Variants in CHST9 observed in about 807,000 individuals in gnomAD.
CHST9 encodes the protein carbohydrate sulfotransferase 9.
Under a neutral mutation model 44.4 loss-of-function variants are expected in CHST9, and 41 were observed. The observed-to-expected ratio is 0.92, with a 90% CI of 0.72 to 1.20. The LOEUF (loss-of-function observed/expected upper bound fraction) is 1.20, where lower values mean the gene tolerates loss of function less well. CHST9 is among the 50% of genes most tolerant of loss of function. The pLI is 0.00. For synonymous variants in CHST9, 171 were observed against 178.4 expected (o/e 0.96, Z 0.33); for missense variants, 504 against 516.5 (o/e 0.98, Z 0.23).
At position 26,913,015 on chromosome 18, in the gene CHST9, A is replaced by G. The variant is rs1190830917; in HGVS notation, c.*3244T>C. The G allele has an allele frequency of 6.6e-6, 1 of 152,180 alleles. No homozygotes were observed. The highest frequency in any genetic ancestry group is 1.9e-4 in the East Asian group (1 of 5,194). 9.4% of individuals were successfully genotyped at this position (152,180 alleles called of 1,614,324 possible). ...AGGCTGGGATGCCCTGAGAGGCCAC[A>G]TGAGAATGCACAGGAGGGAGACGTT... On this transcript the variant is annotated 3_prime_UTR_variant, in exon 6 of 6. Transcript: ENST00000618847.
chr18:27,101,685 T>A (rs558605547), intron 2 of CHST9, among the ~76,000 whole-genome samples: 1 of 152,132 alleles, frequency 6.6e-6, no homozygotes, highest in African/African-American at 2.4e-5. Context: ...ATAAATGACA[T>A]CTCTGCTCTC....
intron 2 of CHST9, among the ~76,000 whole-genome samples, chr18:27,050,151 A>G (rs1167998634): frequency 6.6e-6 from 1 of 152,172 alleles, no homozygotes. Flanking sequence ...TAAGTGTGTG[A>G]TGAGAAAGTG....
chr18:27,112,876 A>T (rs2058285098), intron 2 of CHST9, among the ~76,000 whole-genome samples: 1 of 152,034 alleles, frequency 6.6e-6, no homozygotes, highest in African/African-American at 2.4e-5. Context: ...CTTTCTGGCA[A>T]TTTGCTGCCT....
At chr18:26,932,477 C>T (rs1256828544) in intron 5 of CHST9, among the ~76,000 whole-genome samples, 1 of 152,010 alleles carries the variant, frequency 6.6e-6, no homozygotes, top group East Asian at 1.9e-4. Context: ...AATCTTGGCA[C>T]TTCCACAGCT....
At chr18:26,931,207 C>A (rs370586546) in intron 5 of CHST9, among the ~76,000 whole-genome samples, 1 of 152,196 alleles carries the variant, frequency 6.6e-6, no homozygotes, top group African/African-American at 2.4e-5. Context: ...ATCATTACCC[C>A]CTTCCCTCAC....
At chr18:27,083,716 A>G (rs2057982043) in intron 2 of CHST9, among the ~76,000 whole-genome samples, 1 of 152,120 alleles carries the variant, frequency 6.6e-6, no homozygotes, top group Admixed American at 6.5e-5. Flanking sequence ...AGATGCCTAG[A>G]ACTCTTGGAA....
intron 4 of CHST9, among the ~76,000 whole-genome samples, chr18:26,965,775 T>C (rs2056457190): frequency 6.6e-6 from 1 of 152,180 alleles, no homozygotes; most frequent in Non-Finnish European, 1.5e-5. Flanking sequence ...GATCTTATAC[T>C]AGTAGCATCA....
intron 5 of CHST9, among the ~76,000 whole-genome samples, chr18:26,922,472 A>G (rs1157040228): frequency 6.6e-6 from 1 of 152,200 alleles, no homozygotes; most frequent in Non-Finnish European, 1.5e-5. Flanking sequence ...GGAAAGCTAT[A>G]GTTTTCCATA....
chr18:27,004,157 G>A (rs930046324), intron 4 of CHST9, among the ~76,000 whole-genome samples: 4 of 152,002 alleles, frequency 2.6e-5, no homozygotes, highest in Non-Finnish European at 5.9e-5. Context: ...GGCATAATGG[G>A]AGGAAGAACA....
intron 4 of CHST9, among the ~76,000 whole-genome samples, chr18:27,022,603 C>T (rs1185846019): frequency 3.3e-5 from 5 of 152,140 alleles, no homozygotes; most frequent in Non-Finnish European, 5.9e-5. Flanking sequence ...TCTAAGTCTA[C>T]GTTGTTTTAC....
At chr18:26,975,749 AT>A (rs2056615762) in intron 4 of CHST9, among the ~76,000 whole-genome samples, 1 of 140,050 alleles carries the variant, frequency 7.1e-6, no homozygotes, top group African/African-American at 2.6e-5. Flanking sequence ...ATATATATAT[AT>A]ATATATATAT....
chr18:26,998,049 G>C (rs1052507972), intron 4 of CHST9, among the ~76,000 whole-genome samples: 2 of 152,204 alleles, frequency 1.3e-5, no homozygotes, highest in African/African-American at 4.8e-5. Context: ...AGTGTCAACA[G>C]TCCTAGCCAG....
At chr18:26,968,720 G>A (rs1193438586) in intron 4 of CHST9, among the ~76,000 whole-genome samples, 1 of 152,096 alleles carries the variant, frequency 6.6e-6, no homozygotes, top group Non-Finnish European at 1.5e-5. Context: ...TTTTAAAAAT[G>A]AGCTATTTTC....
At chr18:27,111,194 C>T (rs957909708) in intron 2 of CHST9, among the ~76,000 whole-genome samples, 2 of 152,200 alleles carry the variant, frequency 1.3e-5, no homozygotes, top group Non-Finnish European at 2.9e-5. Flanking sequence ...AGAAACAGCA[C>T]ATGGGACTAT....
chr18:27,066,156 GAGA>G (rs2057780223), intron 2 of CHST9, among the ~76,000 whole-genome samples: 1 of 152,232 alleles, frequency 6.6e-6, no homozygotes, highest in Non-Finnish European at 1.5e-5. Flanking sequence ...AAGTCAAAAG[GAGA>G]AGAACTTGCT....
chr18:26,971,942 A>T (rs2056549643), intron 4 of CHST9, among the ~76,000 whole-genome samples: 1 of 152,214 alleles, frequency 6.6e-6, no homozygotes, highest in Non-Finnish European at 1.5e-5. Flanking sequence ...ACGATAGGTA[A>T]GTAAATGGTA....
chr18:27,182,191 T>G (rs1173355283), intron 1 of CHST9, among the ~76,000 whole-genome samples: 1 of 152,196 alleles, frequency 6.6e-6, no homozygotes, highest in Non-Finnish European at 1.5e-5. Flanking sequence ...TCCTCAATAA[T>G]TCATTTTTAG....
intron 1 of CHST9, among the ~76,000 whole-genome samples, chr18:27,156,516 G>C (rs752863822): frequency 2.6e-5 from 4 of 152,078 alleles, no homozygotes; most frequent in Non-Finnish European, 5.9e-5. Context: ...AGTGAATTTG[G>C]TGGGGTGTTG....
At chr18:27,024,227 C>T in intron 3 of CHST9, 70 bp from the exon 4 acceptor site, 2 of 1,262,660 alleles carry the variant, frequency 1.6e-6, no homozygotes, top group Non-Finnish European at 1.1e-6. Context: ...ACTTTCTACA[C>T]AAAGATGCCT....
Sources: gnomAD v4.1 joint callset for allele counts (sites outside exome capture counted in the v4.1 genomes callset) on GRCh38, gnomAD v4.1.1 for gene constraint, MANE v1.5 for transcripts, NCBI Gene and HGNC (gene_info 2026-07-23, HGNC 2026-07-21) for gene names.